The following ADAM7 variants were observed in gnomAD, a reference collection of about 807,000 sequenced individuals.
ADAM7 encodes ADAM metallopeptidase domain 7.
In ADAM7, 97 loss-of-function variants were observed where a neutral mutation model predicts 102.9. The ratio of observed to expected loss-of-function variants is 0.94; its 90% CI spans 0.80 to 1.12. ADAM7 has a LOEUF of 1.12. Ranked by LOEUF, ADAM7 falls within the 50% of genes most tolerant of loss-of-function variation. The pLI, the probability that ADAM7 is intolerant of heterozygous loss-of-function variation, is 0.00. For synonymous variants in ADAM7, 334 were observed against 304.4 expected, an observed-to-expected ratio of 1.10 and a Z score of -1.01; for missense variants, 991 against 908.7, an observed-to-expected ratio of 1.09 and a Z score of -1.16.
chr8:24,467,231 T>C (rs1276491205), intron 6 of ADAM7: 13 of 534,622 alleles, frequency 2.4e-5, no homozygotes, highest in East Asian at 6.0e-5. Context: ...ATTGATAACA[T>C]TGGGGCTATG....
At chr8:24,500,605 A>G (rs966932679) in intron 18 of ADAM7, among the ~76,000 whole-genome samples, 185 bp from the exon 19 acceptor site, 3 of 152,208 alleles carry the variant, frequency 2.0e-5, no homozygotes, top group Non-Finnish European at 4.4e-5. Context: ...TGTCAGTTGC[A>G]AATACAAATG....
At chr8:24,483,339 G>C (rs1274820802) in intron 9 of ADAM7, among the ~76,000 whole-genome samples, 1 of 152,172 alleles carries the variant, frequency 6.6e-6, no homozygotes, top group Non-Finnish European at 1.5e-5. Flanking sequence ...GAAGTCCTTT[G>C]GAGCGATGCC....
chr8:24,452,101 TG>T (rs1319414118), intron 3 of ADAM7, among the ~76,000 whole-genome samples: 1 of 151,666 alleles, frequency 6.6e-6, no homozygotes, highest in African/African-American at 2.4e-5. Context: ...AGGTGTGGTG[TG>T]GTGCTGAAAA....
chr8:24,492,155 A>C, intron 14 of ADAM7, 57 bp downstream of exon 14: 2 of 1,516,114 alleles, frequency 1.3e-6, no homozygotes, highest in Non-Finnish European at 1.8e-6. Flanking sequence ...TTTCTCTGTT[A>C]TTGCCCTGTA....
intron 3 of ADAM7, among the ~76,000 whole-genome samples, chr8:24,456,632 ATT>A (rs71212541): frequency 0.01 from 1,386 of 136,836 alleles, 3 homozygotes; most frequent in African/African-American, 0.011. Context: ...TGTCCTGGGA[ATT>A]TTTTTTTTTT....
intron 13 of ADAM7, among the ~76,000 whole-genome samples, chr8:24,491,666 C>A (rs1820360734): frequency 6.6e-6 from 1 of 152,076 alleles, no homozygotes; most frequent in Non-Finnish European, 1.5e-5. Context: ...ATGTACATCC[C>A]AACTCTCCCT....
chr8:24,452,780 G>A (rs2129376123), intron 3 of ADAM7, among the ~76,000 whole-genome samples: 1 of 151,864 alleles, frequency 6.6e-6, no homozygotes, highest in African/African-American at 2.4e-5. Flanking sequence ...ATTTTGCAGT[G>A]GCTGGTACCA....
At chr8:24,480,943 T>G (rs988298218) in intron 8 of ADAM7, among the ~76,000 whole-genome samples, 4 of 152,154 alleles carry the variant, frequency 2.6e-5, no homozygotes, top group Non-Finnish European at 5.9e-5. Flanking sequence ...GTGCCTGTAG[T>G]TCCAACTACT....
In ADAM7 at chr8:24,454,116, G is replaced by A. The variant is rs111390358; in HGVS notation, c.233+6854G>A. 2.2e-3 allele frequency among the ~76,000 whole-genome samples: 342 copies of A among 152,354 alleles called. 3 individuals are homozygous for A. Among genetic ancestry groups the A allele is most frequent in the African/African-American group, 7.6e-3 (318 of 41,590 alleles). ...GGGGTCAGGGGTCAGGGACCCACTC[G>A]AGGAGGCAGTCTGCCCATTCTCAGA... On this transcript the variant is annotated intron_variant, in intron 3 of 21. Coordinates refer to ENST00000175238, the MANE Select transcript of ADAM7 (RefSeq NM_003817.4).
At chr8:24,448,794 T>C (rs1375283166) in intron 3 of ADAM7, among the ~76,000 whole-genome samples, 2 of 152,036 alleles carry the variant, frequency 1.3e-5, no homozygotes, top group Non-Finnish European at 2.9e-5. Context: ...TATCTCCTAA[T>C]GCTATCCCTC....
At chr8:24,441,574 C>T (rs1020311886) in intron 1 of ADAM7, among the ~76,000 whole-genome samples, 1 of 152,166 alleles carries the variant, frequency 6.6e-6, no homozygotes, top group African/African-American at 2.4e-5. Context: ...CAAATCAGAG[C>T]ATATTCCAGA....
At chr8:24,503,558 T>C (rs768010113) in intron 20 of ADAM7, among the ~76,000 whole-genome samples, 2 of 152,170 alleles carry the variant, frequency 1.3e-5, no homozygotes, top group African/African-American at 2.4e-5. Context: ...ATCATTCTAC[T>C]ATAAAGACAC....
At chr8:24,494,886 G>A (rs1820501638) in intron 16 of ADAM7, among the ~76,000 whole-genome samples, 1 of 152,150 alleles carries the variant, frequency 6.6e-6, no homozygotes, top group African/African-American at 2.4e-5. Flanking sequence ...CAACCAAACA[G>A]CAGGGAAAAA....
intron 20 of ADAM7, 108 bp from the exon 21 acceptor site, chr8:24,507,372 C>T (rs553312867): frequency 7.5e-6 from 6 of 799,040 alleles, no homozygotes; most frequent in Non-Finnish European, 1.2e-5. Context: ...AGGTGGCCTG[C>T]GTGTGTATGT....
At chr8:24,485,244 A>C in intron 9 of ADAM7, 33 bp from the exon 10 acceptor site, 1 of 1,583,128 alleles carries the variant, frequency 6.3e-7, no homozygotes, top group Non-Finnish European at 8.7e-7. Flanking sequence ...CTACTAACTC[A>C]GATTGAAGAC....
chr8:24,448,810 A>G (rs1365097493), intron 3 of ADAM7, among the ~76,000 whole-genome samples: 1 of 151,008 alleles, frequency 6.6e-6, no homozygotes, highest in Non-Finnish European at 1.5e-5. Context: ...CCCTCCCCCA[A>G]CCCCACAACA....
At chr8:24,485,865 C>G (rs890117220) in intron 10 of ADAM7, among the ~76,000 whole-genome samples, 1 of 151,988 alleles carries the variant, frequency 6.6e-6, no homozygotes, top group Admixed American at 6.6e-5. Flanking sequence ...TAAATGTTGT[C>G]CAAGTAACCC....
At chr8:24,461,093 C>T (rs993889156) in intron 3 of ADAM7, among the ~76,000 whole-genome samples, 10 of 152,082 alleles carry the variant, frequency 6.6e-5, no homozygotes, top group Admixed American at 2.6e-4. Context: ...TCTGGGTTCA[C>T]GCCATTCTCC....
At chr8:24,476,330 C>T in intron 7 of ADAM7, 103 bp from the exon 8 acceptor site, 1 of 776,054 alleles carries the variant, frequency 1.3e-6, no homozygotes, top group Non-Finnish European at 2.0e-6. Flanking sequence ...TTCATTAGGC[C>T]AATGATTTTT....
Sources: allele counts gnomAD v4.1 joint callset (sites outside exome capture counted in the v4.1 genomes callset), GRCh38; gene constraint gnomAD v4.1.1; transcripts MANE v1.5; gene names NCBI Gene and HGNC (gene_info 2026-07-23, HGNC 2026-07-21).